PTPRD: variants seen among roughly 807,000 people sequenced by gnomAD.
The protein encoded by PTPRD is protein tyrosine phosphatase receptor type D.
Under a neutral mutation model 214.5 loss-of-function variants are expected in PTPRD, and 34 were observed. That is an observed-to-expected ratio of 0.16 (90% CI 0.12 to 0.21). The LOEUF (loss-of-function observed/expected upper bound fraction) is 0.21. PTPRD is among the 10% of genes least tolerant of loss of function. The pLI is 1.00. For synonymous variants in PTPRD, 1,128 were observed against 845.7 expected (o/e 1.33, Z -5.79); for missense variants, 2,545 against 2,398.7 (o/e 1.06, Z -1.27).
chr9:10,041,856 T>C (rs549527523), intron 3 of PTPRD, among the ~76,000 whole-genome samples: 11 of 152,184 alleles, frequency 7.2e-5, no homozygotes, highest in Admixed American at 2.6e-4. Flanking sequence ...CATTAGGAGT[T>C]GCCTTCCCTG....
In PTPRD at chr9:9,328,618, C is replaced by CTTTTTTTTTTTTTTTTTT. The variant is rs869076374; in HGVS notation, c.-203+68813_-203+68830dup. On this transcript the variant is annotated intron_variant, in intron 9 of 45. Coordinates refer to ENST00000381196, the MANE Select transcript of PTPRD (RefSeq NM_002839.4). ...ACATTTTCTTTTGTTGTTGTTCTTG[C>CTTTTTTTTTTTTTTTTTT]TTTTTTTTTTTTTTTTTTTTTTTTT... 7.1e-4 allele frequency among the ~76,000 whole-genome samples: 20 copies of CTTTTTTTTTTTTTTTTTT among 28,230 alleles called. 3 individuals carry two copies. The highest frequency in any genetic ancestry group is 1.8e-3 in the African/African-American group (14 of 7,926). 18.5% of individuals were successfully genotyped at this position (28,230 alleles called of 152,430 possible). A position where few individuals can be genotyped will look rare whatever the true frequency, so the allele number is the denominator to read the frequency against.
At chr9:10,414,542 G>A (rs1447327756) in intron 2 of PTPRD, among the ~76,000 whole-genome samples, 1 of 151,894 alleles carries the variant, frequency 6.6e-6, no homozygotes, top group Non-Finnish European at 1.5e-5. Context: ...ATTCCTCCAA[G>A]AGCTAAAAAC....
At chr9:9,782,781 G>C (rs772796733) in intron 5 of PTPRD, among the ~76,000 whole-genome samples, 3 of 152,054 alleles carry the variant, frequency 2.0e-5, no homozygotes, top group African/African-American at 7.2e-5. Flanking sequence ...ACAAGTTATC[G>C]AAATTTGAAA....
chr9:9,730,453 C>A (rs551654897), intron 7 of PTPRD, among the ~76,000 whole-genome samples: 3 of 152,138 alleles, frequency 2.0e-5, no homozygotes, highest in African/African-American at 7.2e-5. Flanking sequence ...GATATGTATA[C>A]ACAGATCCAA....
chr9:9,128,836 T>C (rs1332568581), intron 10 of PTPRD, among the ~76,000 whole-genome samples: 1 of 152,318 alleles, frequency 6.6e-6, no homozygotes, highest in East Asian at 1.9e-4. Context: ...ATACAAAGAA[T>C]AGCAGTATTT....
intron 5 of PTPRD, among the ~76,000 whole-genome samples, chr9:9,863,600 A>G (rs1196250500): frequency 6.6e-6 from 1 of 152,186 alleles, no homozygotes; most frequent in East Asian, 1.9e-4. Flanking sequence ...CAGAGGAGGC[A>G]AACTTGAGCC....
chr9:8,608,722 G>C (rs62530710), intron 14 of PTPRD, among the ~76,000 whole-genome samples: 8,997 of 152,142 alleles, frequency 0.059, 354 homozygotes, highest in East Asian at 0.17. Flanking sequence ...GATGTAAACA[G>C]AACTTTGAAA....
At chr9:9,887,681 G>A (rs958271284) in intron 5 of PTPRD, among the ~76,000 whole-genome samples, 2 of 152,146 alleles carry the variant, frequency 1.3e-5, no homozygotes, top group African/African-American at 4.8e-5. Flanking sequence ...TCTAGTGAAA[G>A]ACCTAACTTG....
chr9:8,544,334 G>C (rs960389046), intron 14 of PTPRD, among the ~76,000 whole-genome samples: 1 of 150,898 alleles, frequency 6.6e-6, no homozygotes, highest in Non-Finnish European at 1.5e-5. Context: ...CGCCTGTATC[G>C]GCCTCCCAAA....
At chr9:8,487,023 C>A (rs1026046352) in intron 27 of PTPRD, among the ~76,000 whole-genome samples, 6 of 152,026 alleles carry the variant, frequency 3.9e-5, no homozygotes, top group Non-Finnish European at 8.8e-5. Flanking sequence ...AAAATAATAT[C>A]GTATTGACTT....
intron 7 of PTPRD, among the ~76,000 whole-genome samples, chr9:9,657,786 A>C (rs1337266831): frequency 2.0e-5 from 3 of 152,204 alleles, no homozygotes; most frequent in South Asian, 2.1e-4. Flanking sequence ...CCAATTGTAC[A>C]TCGTCCTTCC....
chr9:8,317,275 T>A lies in PTPRD; in HGVS notation c.*599A>T. On this transcript the variant is annotated 3_prime_UTR_variant, in exon 46 of 46. Transcript: ENST00000381196. ...AAAAATGAAGAGTTATGTAACTTTTTTAAAATTCACTTTATCGAATGATAC... is the reference window on the plus strand; with the variant it reads ...AAAAATGAAGAGTTATGTAACTTTTATAAAATTCACTTTATCGAATGATAC... 3 of 232,380 alleles carry A rather than the reference T, an allele frequency of 1.3e-5. No individual in the cohort carries two copies. Among genetic ancestry groups the A allele is most frequent in the Non-Finnish European group, 8.5e-6 (1 of 117,230 alleles). 14.4% of individuals were successfully genotyped at this position (232,380 alleles called of 1,614,324 possible).
At chr9:8,792,500 T>C (rs925672179) in intron 11 of PTPRD, among the ~76,000 whole-genome samples, 1 of 152,210 alleles carries the variant, frequency 6.6e-6, no homozygotes. Flanking sequence ...AGTTCCATTT[T>C]TGAGGAAGAC....
In PTPRD at chr9:8,319,853, C is replaced by T. The variant is rs747302391; in HGVS notation, c.5648G>A (p.Arg1883Gln). The change falls in exon 45 of 46, where the codon CGA becomes CAA. Residue 1883 changes from arginine (R) to glutamine (Q), a missense_variant. Transcript: ENST00000381196. The part of the protein sequence containing the change: ...FQTVKMLRTQ[R>Q]PAMVQTEDQY... ...CACCTCTGTCTGTACCATAGCTGGTCGTTGTGTTCTTAACATTTTGACAGT... is the reference window on the plus strand; with the variant it reads ...CACCTCTGTCTGTACCATAGCTGGTTGTTGTGTTCTTAACATTTTGACAGT... The T allele has an allele frequency of 3.7e-6, 6 of 1,612,806 alleles. No individual in the cohort carries two copies. Among genetic ancestry groups the T allele is most frequent in the South Asian group, 1.1e-5 (1 of 90,996 alleles).
intron 10 of PTPRD, among the ~76,000 whole-genome samples, chr9:9,152,967 G>T (rs2099878167): frequency 6.6e-6 from 1 of 152,178 alleles, no homozygotes; most frequent in South Asian, 2.1e-4. Context: ...CCCACTGTGT[G>T]TTGTTCACTA....
At chr9:9,910,166 G>A (rs982102488) in intron 5 of PTPRD, among the ~76,000 whole-genome samples, 1 of 151,864 alleles carries the variant, frequency 6.6e-6, no homozygotes, top group African/African-American at 2.4e-5. Context: ...GATTAAATAA[G>A]TTACATACAA....
At chr9:9,575,743 A>AAAAAAAAAAAAG (rs2088396518) in intron 7 of PTPRD, among the ~76,000 whole-genome samples, 2 of 136,818 alleles carry the variant, frequency 1.5e-5, no homozygotes, top group African/African-American at 5.5e-5. Context: ...AAAAAAAAAA[A>AAAAAAAAAAAAG]AAAGAAAGAA....
intron 7 of PTPRD, among the ~76,000 whole-genome samples, chr9:9,646,739 A>G (rs2096193604): frequency 6.6e-6 from 1 of 152,184 alleles, no homozygotes; most frequent in Non-Finnish European, 1.5e-5. Flanking sequence ...CCCTACGTAC[A>G]CTGTGTTTTT....
In PTPRD at chr9:9,974,903, G is replaced by C. The variant is rs553073351; in HGVS notation, c.-471-36293C>G. 7.2e-5 allele frequency among the ~76,000 whole-genome samples: 11 copies of C among 152,286 alleles called. No homozygotes were observed. The South Asian group carries it at 2.3e-3, about 32-fold the overall frequency. ...ATTCAGTGGGAAAAGGGGAGAAAATGTCATAAGCCTTATTTCTGAGATATT... is the reference window on the plus strand; with the variant it reads ...ATTCAGTGGGAAAAGGGGAGAAAATCTCATAAGCCTTATTTCTGAGATATT... On this transcript the variant is annotated intron_variant, in intron 4 of 45. Transcript: ENST00000381196.
Sources: gnomAD v4.1 joint callset for allele counts (sites outside exome capture counted in the v4.1 genomes callset) on GRCh38, gnomAD v4.1.1 for gene constraint, MANE v1.5 for transcripts, NCBI Gene and HGNC (gene_info 2026-07-23, HGNC 2026-07-21) for gene names.